ZNF423: variants seen among roughly 807,000 people sequenced by gnomAD.
ZNF423 encodes the protein Ebf-associated zinc finger protein.
ZNF423 carries 12 observed loss-of-function variants against 95.8 expected under a neutral mutation model. The observed-to-expected ratio is 0.13, with a 90% CI of 0.08 to 0.20. The LOEUF is 0.20. ZNF423 is among the 10% of genes least tolerant of loss of function. The pLI is 1.00. For missense variants in ZNF423, 1,316 were observed against 1,737.1 expected, an observed-to-expected ratio of 0.76 and a Z score of 4.31; for synonymous variants, 749 against 711.9, an observed-to-expected ratio of 1.05 and a Z score of -0.83.
intron 2 of ZNF423, among the ~76,000 whole-genome samples, chr16:49,739,448 A>T (rs1363040170): frequency 6.6e-6 from 1 of 151,850 alleles, no homozygotes; most frequent in African/African-American, 2.4e-5. Flanking sequence ...AAGAAAAAAA[A>T]TCCACTCCAT....
intron 3 of ZNF423, among the ~76,000 whole-genome samples, chr16:49,657,941 A>T (rs1487658755): frequency 6.6e-6 from 1 of 152,202 alleles, no homozygotes; most frequent in African/African-American, 2.4e-5. Context: ...AGTCACTGAG[A>T]GGCCACCGTC....
At chr16:49,639,127 G>A (rs1031620295) in intron 3 of ZNF423, among the ~76,000 whole-genome samples, 1 of 152,168 alleles carries the variant, frequency 6.6e-6, no homozygotes, top group Non-Finnish European at 1.5e-5. Context: ...CCTGGACCTG[G>A]CAGGACATGA....
chr16:49,491,039 C>A lies in ZNF423; in HGVS notation c.*236G>T. ...AGAAATGTAGTCTGCGGCGGAAAGTCTAAAAGCACACTAGCTGTAGCAGGA... is the reference window on the plus strand; with the variant it reads ...AGAAATGTAGTCTGCGGCGGAAAGTATAAAAGCACACTAGCTGTAGCAGGA... On this transcript the variant is annotated 3_prime_UTR_variant, in exon 8 of 8. Coordinates refer to ENST00000563137, the MANE Select transcript of ZNF423 (RefSeq NM_001379286.1). 1 of 554,156 alleles carries A rather than the reference C, an allele frequency of 1.8e-6. No individual in the cohort carries two copies. The highest frequency in any genetic ancestry group is 3.2e-6 in the Non-Finnish European group (1 of 309,802). 34.3% of individuals were successfully genotyped at this position (554,156 alleles called of 1,614,324 possible).
chr16:49,653,497 T>C (rs1396598941), intron 3 of ZNF423, among the ~76,000 whole-genome samples: 1 of 152,126 alleles, frequency 6.6e-6, no homozygotes, highest in Non-Finnish European at 1.5e-5. Flanking sequence ...CATGTTTGGA[T>C]AGCATTTTTC....
intron 1 of ZNF423, among the ~76,000 whole-genome samples, chr16:49,837,533 G>A (rs181803350): frequency 1.3e-5 from 2 of 152,220 alleles, no homozygotes; most frequent in East Asian, 3.9e-4. Context: ...CTGTGTGCAC[G>A]CATCAACAGG....
chr16:49,684,456 G>T (rs2031486549), intron 3 of ZNF423, among the ~76,000 whole-genome samples: 1 of 152,168 alleles, frequency 6.6e-6, no homozygotes, highest in South Asian at 2.1e-4. Flanking sequence ...ATTAAATGTT[G>T]AATGGTGAGG....
At chr16:49,691,991 G>A (rs900993733) in intron 3 of ZNF423, among the ~76,000 whole-genome samples, 6 of 151,838 alleles carry the variant, frequency 4.0e-5, no homozygotes, top group African/African-American at 7.3e-5. Context: ...GCTCTGTGGC[G>A]CAGGCTGGAG....
intron 7 of ZNF423, among the ~76,000 whole-genome samples, chr16:49,517,364 C>T (rs1250486633): frequency 6.6e-6 from 1 of 152,216 alleles, no homozygotes; most frequent in East Asian, 1.9e-4. Flanking sequence ...ATAAGAACCC[C>T]TCCAGGACCC....
At chr16:49,706,815 G>A (rs1281945253) in intron 3 of ZNF423, among the ~76,000 whole-genome samples, 2 of 152,160 alleles carry the variant, frequency 1.3e-5, no homozygotes, top group Non-Finnish European at 2.9e-5. Flanking sequence ...CCAGAACCCA[G>A]ACAAAGTGAG....
intron 1 of ZNF423, among the ~76,000 whole-genome samples, chr16:49,827,606 C>G (rs2035019432): frequency 1.3e-5 from 2 of 151,954 alleles, no homozygotes; most frequent in Admixed American, 6.6e-5. Flanking sequence ...GCCTTGAGCT[C>G]CTGGGCTCCG....
chr16:49,650,776 A>T (rs976213038), intron 3 of ZNF423, among the ~76,000 whole-genome samples: 5 of 152,228 alleles, frequency 3.3e-5, no homozygotes, highest in Admixed American at 6.5e-5. Flanking sequence ...ACATCCTGAC[A>T]TCACAAAGTG....
chr16:49,545,619 G>A (rs1197633458), intron 5 of ZNF423, among the ~76,000 whole-genome samples: 1 of 152,192 alleles, frequency 6.6e-6, no homozygotes, highest in Non-Finnish European at 1.5e-5. Flanking sequence ...CTCCCAAGCT[G>A]CTTTAAATGG....
intron 3 of ZNF423, among the ~76,000 whole-genome samples, chr16:49,689,133 G>T (rs188437291): frequency 6.6e-6 from 1 of 152,262 alleles, no homozygotes; most frequent in East Asian, 1.9e-4. Context: ...ATGGGTCTAA[G>T]ATTGTGTTGT....
In ZNF423 at chr16:49,760,592, G is replaced by A. The variant is rs1023681561; in HGVS notation, c.100+28895C>T. Among the ~76,000 whole-genome samples the A allele has an allele frequency of 5.9e-5, 9 of 152,028 alleles. 1 individual carries two copies. The highest frequency in any genetic ancestry group is 2.0e-4 in the Admixed American group (3 of 15,262). On this transcript the variant is annotated intron_variant, in intron 2 of 7. Transcript: ENST00000563137. ...AAGATGACCAAGACATGGTCCTGCCGCCAAGGACCTCACCATTTAGCCAGG... is the reference window on the plus strand; with the variant it reads ...AAGATGACCAAGACATGGTCCTGCCACCAAGGACCTCACCATTTAGCCAGG...
intron 1 of ZNF423, among the ~76,000 whole-genome samples, chr16:49,833,835 TGGGCAGGGAGGGCAGGGA>T (rs916134436): frequency 2.1e-5 from 1 of 48,098 alleles, no homozygotes; most frequent in Non-Finnish European, 4.5e-5. Flanking sequence ...CAGGGCTGGG[TGGGCAGGGAGGGCAGGGA>T]GGGCAGGTGG....
intron 3 of ZNF423, among the ~76,000 whole-genome samples, chr16:49,710,142 C>T (rs1430781592): frequency 6.6e-6 from 1 of 152,232 alleles, no homozygotes; most frequent in Non-Finnish European, 1.5e-5. Context: ...GACTTGCACA[C>T]AGTTGCTAGA....
intron 5 of ZNF423, among the ~76,000 whole-genome samples, chr16:49,622,348 C>T (rs1972109589): frequency 6.6e-6 from 1 of 151,974 alleles, no homozygotes; most frequent in South Asian, 2.1e-4. Context: ...CACCCCAACC[C>T]CCTCCCCATT....
intron 1 of ZNF423, among the ~76,000 whole-genome samples, chr16:49,816,718 A>C (rs2143998058): frequency 6.6e-6 from 1 of 152,224 alleles, no homozygotes; most frequent in South Asian, 2.1e-4. Context: ...TGGGAGGTTG[A>C]GGCTGCAGTG....
intron 5 of ZNF423, among the ~76,000 whole-genome samples, chr16:49,595,834 T>A (rs532965453): frequency 9.2e-5 from 14 of 152,374 alleles, no homozygotes; most frequent in African/African-American, 2.9e-4. Flanking sequence ...ATAAACAGTT[T>A]AGTAAATAGT....
Sources: gnomAD v4.1 joint callset for allele counts (sites outside exome capture counted in the v4.1 genomes callset) on GRCh38, gnomAD v4.1.1 for gene constraint, MANE v1.5 for transcripts, NCBI Gene and HGNC (gene_info 2026-07-23, HGNC 2026-07-21) for gene names.